Variants in RGS6 observed in about 807,000 individuals in gnomAD.
RGS6 encodes regulator of G protein signaling 6, also known as regulator of G-protein signaling 6.
A neutral mutation model predicts 78.5 loss-of-function variants in RGS6; 30 were observed. The observed-to-expected ratio is 0.38, with a 90% CI of 0.29 to 0.52. The LOEUF is 0.52. Among genes scored for constraint, RGS6 ranks in the 20% least tolerant of loss-of-function variants. The pLI is 0.85. For missense variants in RGS6, 495 were observed against 609.7 expected (o/e 0.81, Z 1.98); for synonymous variants, 206 against 206.0 (o/e 1.00, Z 0.00).
At chr14:71,889,899 T>TAAG in the RGS6 span, among the ~76,000 whole-genome samples, 1 of 151,472 alleles carries the variant, frequency 6.6e-6, no homozygotes, top group Admixed American at 6.6e-5. Context: ...TAGCACCTCC[T>TAAG]CTCTCTCTCT....
At chr14:71,900,929 G>T in the RGS6 span, among the ~76,000 whole-genome samples, 1 of 152,054 alleles carries the variant, frequency 6.6e-6, no homozygotes, top group African/African-American at 2.4e-5. Context: ...AGAGAGGAAA[G>T]GAGAGATCCT....
At chr14:72,451,986 G>A (rs975820940) in intron 3 of RGS6, among the ~76,000 whole-genome samples, 5 of 152,116 alleles carry the variant, frequency 3.3e-5, no homozygotes, top group African/African-American at 7.2e-5. Context: ...TCCTGACCTC[G>A]TGATCCACCC....
intron 2 of RGS6, among the ~76,000 whole-genome samples, chr14:72,256,702 T>G (rs945186846): frequency 6.6e-6 from 1 of 152,216 alleles, no homozygotes; most frequent in Admixed American, 6.5e-5. Flanking sequence ...CTCCCATAGT[T>G]AGGTTGGCCT....
the RGS6 span, among the ~76,000 whole-genome samples, chr14:72,577,790 T>C: frequency 6.6e-6 from 1 of 152,190 alleles, no homozygotes; most frequent in Admixed American, 6.5e-5. Flanking sequence ...TATCTCCACA[T>C]CTGAGAGACA....
At chr14:71,879,300 G>C in the RGS6 span, among the ~76,000 whole-genome samples, 1 of 152,234 alleles carries the variant, frequency 6.6e-6, no homozygotes, top group Non-Finnish European at 1.5e-5. Context: ...GGACATAATA[G>C]TAGCAATATA....
chr14:72,297,774 G>C (rs1398011426), intron 2 of RGS6, among the ~76,000 whole-genome samples: 1 of 151,590 alleles, frequency 6.6e-6, no homozygotes, highest in Non-Finnish European at 1.5e-5. Flanking sequence ...TATTTATTTA[G>C]ATCTTCTTTA....
chr14:71,937,789 G>A (rs1199489749), intron 1 of RGS6, among the ~76,000 whole-genome samples: 1 of 152,238 alleles, frequency 6.6e-6, no homozygotes, highest in African/African-American at 2.4e-5. Context: ...CGGAGTAAAT[G>A]TCTATTCCAG....
intron 3 of RGS6, among the ~76,000 whole-genome samples, chr14:72,450,296 T>C (rs1300570800): frequency 6.6e-6 from 1 of 152,212 alleles, no homozygotes; most frequent in Non-Finnish European, 1.5e-5. Context: ...TATTCAGTCC[T>C]CTATTAGAGG....
chr14:72,623,894 CATAAAATGTATAA>C, the RGS6 span, among the ~76,000 whole-genome samples: 6 of 152,004 alleles, frequency 3.9e-5, no homozygotes, highest in Non-Finnish European at 8.8e-5. Context: ...AGGTCTGGAG[CATAAAATGTATAA>C]ATATATTTAC....
chr14:72,225,294 A>G (rs1411017992), intron 2 of RGS6, among the ~76,000 whole-genome samples: 1 of 152,156 alleles, frequency 6.6e-6, no homozygotes, highest in Non-Finnish European at 1.5e-5. Context: ...ATTATAAATT[A>G]GATTTTTAAA....
intron 2 of RGS6, among the ~76,000 whole-genome samples, chr14:72,343,548 G>A (rs1812041): frequency 0.47 from 70,766 of 152,094 alleles, 16,804 homozygotes; most frequent in South Asian, 0.6. Flanking sequence ...CAGATTCCAG[G>A]GATTAGGACA....
intron 15 of RGS6, among the ~76,000 whole-genome samples, chr14:72,535,491 A>G (rs777791152): frequency 2.0e-5 from 3 of 152,232 alleles, no homozygotes; most frequent in Non-Finnish European, 4.4e-5. Flanking sequence ...TTGCAAAACT[A>G]TAGTACCATA....
the RGS6 span, among the ~76,000 whole-genome samples, chr14:72,587,422 A>C: frequency 3.9e-5 from 6 of 152,108 alleles, no homozygotes; most frequent in African/African-American, 1.4e-4. Context: ...TTCAGAGACA[A>C]TGAGGTGGGT....
chr14:72,313,006 A>G (rs2069033028), intron 2 of RGS6, among the ~76,000 whole-genome samples: 1 of 152,172 alleles, frequency 6.6e-6, no homozygotes, highest in Non-Finnish European at 1.5e-5. Flanking sequence ...TGGCATTAAC[A>G]CAGAATGACC....
intron 5 of RGS6, among the ~76,000 whole-genome samples, chr14:72,458,832 A>G (rs2095701796): frequency 6.6e-6 from 1 of 152,144 alleles, no homozygotes; most frequent in Non-Finnish European, 1.5e-5. Flanking sequence ...TAAAGGCACT[A>G]ATCTCACCTG....
intron 2 of RGS6, among the ~76,000 whole-genome samples, chr14:72,009,134 A>G (rs988613399): frequency 2.6e-5 from 4 of 152,190 alleles, no homozygotes; most frequent in African/African-American, 9.6e-5. Flanking sequence ...GCAGGAGGGT[A>G]GCTTGAGGCT....
At chr14:72,371,455 T>C (rs1460489926) in intron 3 of RGS6, among the ~76,000 whole-genome samples, 2 of 152,212 alleles carry the variant, frequency 1.3e-5, no homozygotes, top group Non-Finnish European at 2.9e-5. Context: ...AATTTCTTTT[T>C]AAACGTTTCT....
At chr14:72,343,469 C>A (rs1408461109) in intron 2 of RGS6, among the ~76,000 whole-genome samples, 1 of 152,220 alleles carries the variant, frequency 6.6e-6, no homozygotes, top group Non-Finnish European at 1.5e-5. Flanking sequence ...AGGGTCATCT[C>A]CCATCTTAAG....
chr14:72,080,701 T>C (rs2094784832), intron 2 of RGS6, among the ~76,000 whole-genome samples: 1 of 152,140 alleles, frequency 6.6e-6, no homozygotes, highest in Admixed American at 6.5e-5. Context: ...TTGTATATGG[T>C]ATGAGATGAG....
Sources: allele counts gnomAD v4.1 joint callset (sites outside exome capture counted in the v4.1 genomes callset), GRCh38; gene constraint gnomAD v4.1.1; transcripts MANE v1.5; gene names NCBI Gene and HGNC (gene_info 2026-07-23, HGNC 2026-07-21).